Variants in NRG3 observed in about 807,000 individuals in gnomAD.
The protein encoded by NRG3 is pro-neuregulin-3, membrane-bound isoform.
In NRG3, 31 loss-of-function variants were observed where a neutral mutation model predicts 66.9. That is an observed-to-expected ratio of 0.46 (90% CI 0.35 to 0.63). The LOEUF is 0.63. Among genes scored for constraint, NRG3 ranks in the 20% least tolerant of loss-of-function variants. The probability of loss-of-function intolerance (pLI) is 0.00; values close to 1 mark genes in which losing one functional copy is unlikely to be tolerated. For synonymous variants in NRG3, 393 were observed against 359.4 expected (o/e 1.09, Z -1.06); for missense variants, 910 against 878.9 (o/e 1.04, Z -0.45).
chr10:82,022,161 G>A (rs1306357549), intron 1 of NRG3, among the ~76,000 whole-genome samples: 1 of 152,026 alleles, frequency 6.6e-6, no homozygotes. Context: ...AGCAAAATGT[G>A]CTTCAGGTCG....
intron 7 of NRG3, among the ~76,000 whole-genome samples, chr10:82,976,668 G>A (rs545491935): frequency 1.3e-5 from 2 of 152,284 alleles, no homozygotes; most frequent in South Asian, 2.1e-4. Flanking sequence ...TGTACACCAA[G>A]AGGGCTGCAG....
In NRG3 at chr10:81,929,540, A is replaced by AT. The variant is rs1297536511; in HGVS notation, c.823+53384dup. On this transcript the variant is annotated intron_variant, in intron 1 of 8. Transcript: ENST00000372141. ...ATGATGGGTTGGGTGACTGAAACAC[A>AT]TTTTTTTCTTTTAGGTGATAACCAG... Among the ~76,000 whole-genome samples, 3 of 152,052 alleles carry AT rather than the reference A, an allele frequency of 2.0e-5. No homozygotes were observed. The South Asian group carries it at 6.2e-4, about 32-fold the overall frequency.
At chr10:81,879,077 A>G (rs1243457428) in intron 1 of NRG3, among the ~76,000 whole-genome samples, 1 of 152,204 alleles carries the variant, frequency 6.6e-6, no homozygotes, top group South Asian at 2.1e-4. Flanking sequence ...AGGAGAAAGG[A>G]GGGTTTGCAA....
At chr10:82,498,167 A>G (rs572291813) in intron 2 of NRG3, among the ~76,000 whole-genome samples, 3 of 151,534 alleles carry the variant, frequency 2.0e-5, no homozygotes, top group Non-Finnish European at 2.9e-5. Context: ...TATGGTTTGC[A>G]TATATATTCT....
intron 1 of NRG3, among the ~76,000 whole-genome samples, chr10:82,222,839 C>A (rs576696380): frequency 2.6e-5 from 4 of 152,038 alleles, no homozygotes; most frequent in Non-Finnish European, 5.9e-5. Context: ...TATGATTTTC[C>A]GTGGTAATTT....
At chr10:82,734,352 C>T (rs1390649424) in intron 2 of NRG3, among the ~76,000 whole-genome samples, 1 of 152,226 alleles carries the variant, frequency 6.6e-6, no homozygotes, top group African/African-American at 2.4e-5. Flanking sequence ...TGATGTCTAC[C>T]TTTGAAACTA....
At chr10:82,420,503 C>A (rs1373496499) in intron 2 of NRG3, among the ~76,000 whole-genome samples, 1 of 152,066 alleles carries the variant, frequency 6.6e-6, no homozygotes, top group African/African-American at 2.4e-5. Context: ...AAAATTATTT[C>A]TTCTTATGTA....
At chr10:81,921,557 T>C (rs1484372082) in intron 1 of NRG3, among the ~76,000 whole-genome samples, 1 of 152,140 alleles carries the variant, frequency 6.6e-6, no homozygotes, top group Admixed American at 6.5e-5. Flanking sequence ...TCTGTCTACA[T>C]TTATGCCTAC....
At position 82,956,723 on chromosome 10, in the gene NRG3, A is replaced by AT. The variant is rs1005289073; in HGVS notation, c.1158-2223dup. Among the ~76,000 whole-genome samples the AT allele has an allele frequency of 1.3e-4, 19 of 151,864 alleles. 1 individual carries two copies. Among genetic ancestry groups the AT allele is most frequent in the African/African-American group, 4.6e-4 (19 of 41,158 alleles). On this transcript the variant is annotated intron_variant, in intron 5 of 8. Transcript: ENST00000372141. ...CATGCACTCTTACTTTTTCAGGATG[A>AT]TTTACCAGACTAGAACCTCCTGATT...
chr10:82,879,369 A>G (rs1842097023), intron 4 of NRG3, among the ~76,000 whole-genome samples: 1 of 152,116 alleles, frequency 6.6e-6, no homozygotes, highest in Admixed American at 6.5e-5. Context: ...AGACCATGCA[A>G]TTTAGTTCTA....
chr10:82,018,608 C>A (rs1317750724), intron 1 of NRG3, among the ~76,000 whole-genome samples: 1 of 152,082 alleles, frequency 6.6e-6, no homozygotes, highest in Non-Finnish European at 1.5e-5. Context: ...TCTTTTATTT[C>A]GTTGAGCAGT....
chr10:82,707,588 C>G (rs2056391066), intron 2 of NRG3, among the ~76,000 whole-genome samples: 1 of 151,176 alleles, frequency 6.6e-6, no homozygotes, highest in African/African-American at 2.4e-5. Flanking sequence ...GAGACAGGGA[C>G]TTACTCTGTT....
chr10:82,458,429 C>G (rs1247975338), intron 2 of NRG3, among the ~76,000 whole-genome samples: 2 of 152,130 alleles, frequency 1.3e-5, no homozygotes, highest in Non-Finnish European at 2.9e-5. Context: ...TCCTGAGGAA[C>G]TGGTCACATC....
intron 2 of NRG3, among the ~76,000 whole-genome samples, chr10:82,464,391 T>C (rs1316662101): frequency 6.6e-6 from 1 of 152,208 alleles, no homozygotes; most frequent in Non-Finnish European, 1.5e-5. Context: ...CTGAAGCTAA[T>C]TGACTCGATG....
intron 2 of NRG3, among the ~76,000 whole-genome samples, chr10:82,540,265 G>A (rs1327612807): frequency 6.6e-6 from 1 of 151,010 alleles, no homozygotes; most frequent in Non-Finnish European, 1.5e-5. Flanking sequence ...ATATGCTTTA[G>A]AACTGAACTG....
At chr10:82,935,775 C>A (rs573564836) in intron 4 of NRG3, among the ~76,000 whole-genome samples, 1 of 151,976 alleles carries the variant, frequency 6.6e-6, no homozygotes, top group Admixed American at 6.6e-5. Flanking sequence ...AGGTGCGTGC[C>A]ACCACGCCTG....
chr10:82,075,004 A>G (rs967805589), intron 1 of NRG3, among the ~76,000 whole-genome samples: 5 of 152,174 alleles, frequency 3.3e-5, no homozygotes, highest in African/African-American at 1.2e-4. Context: ...TCGGCATCAT[A>G]CTTGGCGTAG....
At chr10:82,965,684 C>G (rs1427912679) in intron 6 of NRG3, among the ~76,000 whole-genome samples, 1 of 151,910 alleles carries the variant, frequency 6.6e-6, no homozygotes, top group Non-Finnish European at 1.5e-5. Flanking sequence ...TGCAGTGAGC[C>G]GAGATCAAGA....
chr10:82,471,774 A>G (rs1346338864), intron 2 of NRG3, among the ~76,000 whole-genome samples: 1 of 152,024 alleles, frequency 6.6e-6, no homozygotes, highest in African/African-American at 2.4e-5. Context: ...CTATAATCCC[A>G]GCTACTCCTG....
Sources: gnomAD v4.1 joint callset for allele counts (sites outside exome capture counted in the v4.1 genomes callset) on GRCh38, gnomAD v4.1.1 for gene constraint, MANE v1.5 for transcripts, NCBI Gene and HGNC (gene_info 2026-07-23, HGNC 2026-07-21) for gene names.